Variants in INA observed in about 807,000 individuals in gnomAD.
INA encodes internexin neuronal intermediate filament protein alpha, also known as alpha-internexin.
INA carries 35 observed loss-of-function variants against 40.1 expected under a neutral mutation model. The observed-to-expected ratio is 0.87, with a 90% CI of 0.67 to 1.16. The LOEUF is 1.16. Ranked by LOEUF, INA falls within the 50% of genes most tolerant of loss-of-function variation. The pLI is 0.00. For missense variants in INA, 594 were observed against 686.7 expected, an observed-to-expected ratio of 0.87 and a Z score of 1.51; for synonymous variants, 290 against 316.9, an observed-to-expected ratio of 0.92 and a Z score of 0.90.
At chr10:103,280,706 G>C (rs553160532) in intron 1 of INA, 82 of 985,304 alleles carry the variant, frequency 8.3e-5, no homozygotes, top group Non-Finnish European at 7.6e-5. Flanking sequence ...GACACAGTAA[G>C]TACACAATAG....
chr10:103,279,053 T>A lies in INA; in HGVS notation c.1065+777T>A, dbSNP rs1434008454. ...TCTCGAGTTCTTCCCATCTCAGAAA[T>A]TATGTCTCTCCTGTCTCGTGTCCCA... On this transcript the variant is annotated intron_variant, in intron 1 of 2. Coordinates refer to ENST00000369849, the MANE Select transcript of INA (RefSeq NM_032727.4). Among the ~76,000 whole-genome samples the A allele has an allele frequency of 3.9e-5, 6 of 152,058 alleles. No individual in the cohort carries two copies. In the East Asian group the frequency reaches 1.2e-3, roughly 29 times the overall value.
chr10:103,279,110 A>AT lies in INA; in HGVS notation c.1065+844dup, dbSNP rs201966529. ...AATCTCTAGGCAATTAACTGCTTTG[A>AT]TTTTTTTTTTCCTGCAACACCAACA... On this transcript the variant is annotated intron_variant, in intron 1 of 2. Transcript: ENST00000369849. Among the ~76,000 whole-genome samples the AT allele has an allele frequency of 8.5e-3, 1,272 of 149,846 alleles. 8 individuals carry two copies. The highest frequency in any genetic ancestry group is 9.0e-3 in the African/African-American group (369 of 40,822).
chr10:103,282,997 T>A (rs1189815364), intron 1 of INA, among the ~76,000 whole-genome samples: 1 of 152,200 alleles, frequency 6.6e-6, no homozygotes, highest in East Asian at 1.9e-4. Flanking sequence ...AATGGACTCA[T>A]CATATATTAA....
intron 1 of INA, among the ~76,000 whole-genome samples, chr10:103,285,827 A>G (rs141862047): frequency 6.7e-4 from 102 of 151,276 alleles, no homozygotes; most frequent in Admixed American, 4.9e-3. Context: ...CATGTTAGCC[A>G]GGCTAGTCTT....
In INA at chr10:103,287,258, G is replaced by A. The variant is rs1303238251; in HGVS notation, c.1190+99G>A. Reference sequence around the variant, plus strand: ...GTCTCTCTGGCTTCTGACTGGTGAGGGAGGGAAGAAGGGCATCACTGGCCC... The same window carrying A: ...GTCTCTCTGGCTTCTGACTGGTGAGAGAGGGAAGAAGGGCATCACTGGCCC... On this transcript the variant is annotated intron_variant, in intron 2 of 2. Transcript: ENST00000369849. The A allele has an allele frequency of 3.7e-6, 5 of 1,369,662 alleles. No individual in the cohort carries two copies. In the African/African-American group the frequency reaches 4.3e-5, roughly 12 times the overall value. The allele number at this position is 1,369,662 out of a possible 1,614,324, so 84.8% of individuals were successfully genotyped here.
chr10:103,288,231 G>C, intron 2 of INA, 129 bp from the exon 3 acceptor site: 2 of 801,768 alleles, frequency 2.5e-6, no homozygotes, highest in Non-Finnish European at 4.0e-6. Flanking sequence ...AATATTTATT[G>C]GTTTCAATCT....
In INA at chr10:103,277,801, A is replaced by T; in HGVS notation, c.590A>T (p.Lys197Met). The part of the protein sequence containing the change: ...RGREGAERAL[K>M]AQQRDVDGAT... ...CGCGAAGGCGCCGAGCGCGCCCTGAAGGCGCAGCAGCGCGACGTGGACGGC... is the reference window on the plus strand; with the variant it reads ...CGCGAAGGCGCCGAGCGCGCCCTGATGGCGCAGCAGCGCGACGTGGACGGC... Residue 197 changes from lysine to methionine, a missense_variant, in exon 1 of 3, where the codon AAG (lysine) becomes ATG (methionine). Transcript: ENST00000369849. This position sits in a 1 kb window ranked among gnomAD's most constrained non-coding sequence, Gnocchi z 5.6. 1 of 1,527,438 alleles carries T rather than the reference A, an allele frequency of 6.5e-7. No homozygotes were observed. The highest frequency in any genetic ancestry group is 8.8e-7 in the Non-Finnish European group (1 of 1,142,112). 94.6% of individuals were successfully genotyped at this position (1,527,438 alleles called of 1,614,324 possible). A position where few individuals can be genotyped will look rare whatever the true frequency, so the allele number is the denominator to read the frequency against.
chr10:103,284,013 C>G lies in INA; in HGVS notation c.1066-3022C>G, dbSNP rs11191632. Among the ~76,000 whole-genome samples, 30 of 152,128 alleles carry G rather than the reference C, an allele frequency of 2.0e-4. No individual in the cohort carries two copies. In the East Asian group the frequency reaches 3.3e-3, roughly 17 times the overall value. On this transcript the variant is annotated intron_variant, in intron 1 of 2. Transcript: ENST00000369849. ...TGAACTCCTGACCTCAGGTGATCCA[C>G]CCGCCTCAGCCTCCCAAAGTGCTGG... is the stretch of plus-strand genomic sequence containing the variant.
At chr10:103,284,425 T>A (rs1286870136) in intron 1 of INA, among the ~76,000 whole-genome samples, 1 of 152,158 alleles carries the variant, frequency 6.6e-6, no homozygotes, top group African/African-American at 2.4e-5. Flanking sequence ...AACTCTGTTA[T>A]AGAGGAAAGC....
intron 1 of INA, chr10:103,279,865 T>C (rs2133532600): frequency 9.3e-7 from 1 of 1,079,814 alleles, no homozygotes; most frequent in Non-Finnish European, 1.2e-6. Flanking sequence ...ACTTGAACTT[T>C]TCATTATGTA....
intron 1 of INA, among the ~76,000 whole-genome samples, chr10:103,283,869 G>A (rs2093078747): frequency 6.7e-6 from 1 of 150,002 alleles, no homozygotes; most frequent in African/African-American, 2.5e-5. Flanking sequence ...TCCTACCTCA[G>A]CCTCCAGAGT....
chr10:103,283,947 T>G (rs1445242407), intron 1 of INA, among the ~76,000 whole-genome samples: 2 of 151,818 alleles, frequency 1.3e-5, no homozygotes, highest in Admixed American at 1.3e-4. Flanking sequence ...GACCATAGTT[T>G]CACCATGTTG....
chr10:103,283,748 CT>C (rs34755376), intron 1 of INA, among the ~76,000 whole-genome samples: 138 of 114,912 alleles, frequency 1.2e-3, no homozygotes, highest in African/African-American at 2.9e-3. Context: ...ATCACTGTTT[CT>C]TTTTTTTTTT....
intron 1 of INA, among the ~76,000 whole-genome samples, chr10:103,285,020 G>C (rs2093082161): frequency 6.6e-6 from 1 of 151,948 alleles, no homozygotes; most frequent in Admixed American, 6.6e-5. Flanking sequence ...TTTCATTCTT[G>C]TTGTCCAGGC....
At chr10:103,280,996 G>C (rs939976217) in intron 1 of INA, 2 of 883,434 alleles carry the variant, frequency 2.3e-6, no homozygotes, top group African/African-American at 1.8e-5. Flanking sequence ...CTTGCTGAAT[G>C]ATCAAGATCA....
chr10:103,284,416 ACT>A (rs549244304), intron 1 of INA, among the ~76,000 whole-genome samples: 27 of 152,206 alleles, frequency 1.8e-4, no homozygotes, highest in Non-Finnish European at 2.4e-4. Context: ...AAGTTGTAAA[ACT>A]CTGTTATAGA....
At chr10:103,279,596 T>C (rs1428371365) in intron 1 of INA, among the ~76,000 whole-genome samples, 1 of 152,232 alleles carries the variant, frequency 6.6e-6, no homozygotes, top group African/African-American at 2.4e-5. Context: ...TTGCAATAAT[T>C]CTAGCTAGGA....
At chr10:103,284,099 A>G (rs530145957) in intron 1 of INA, among the ~76,000 whole-genome samples, 69 of 145,216 alleles carry the variant, frequency 4.8e-4, no homozygotes, top group Admixed American at 4.1e-3. Flanking sequence ...AATAACCCCC[A>G]ATCATTGTGT....
chr10:103,285,172 CAG>C (rs1309567170), intron 1 of INA, among the ~76,000 whole-genome samples: 1 of 151,992 alleles, frequency 6.6e-6, no homozygotes, highest in Admixed American at 6.6e-5. Context: ...TTAGTAGAGA[CAG>C]AGTTTCTCCA....
Sources: gnomAD v4.1 joint callset for allele counts (sites outside exome capture counted in the v4.1 genomes callset) on GRCh38, gnomAD v4.1.1 for gene constraint, Gnocchi (gnomAD v3.1) non-coding constraint, MANE v1.5 for transcripts, NCBI Gene and HGNC (gene_info 2026-07-23, HGNC 2026-07-21) for gene names.